Variants in MAPKAP1 observed in about 807,000 individuals in gnomAD.
MAPKAP1 encodes MAPK associated protein 1, also known as target of rapamycin complex 2 subunit MAPKAP1.
Under a neutral mutation model 65.7 loss-of-function variants are expected in MAPKAP1, and 20 were observed. The ratio of observed to expected loss-of-function variants is 0.30; its 90% CI spans 0.21 to 0.44. The LOEUF is 0.44. Ranked by LOEUF, MAPKAP1 falls within the 20% of genes least tolerant of loss-of-function variation. The probability of loss-of-function intolerance (pLI) is 1.00; values close to 1 mark genes in which losing one functional copy is unlikely to be tolerated. For missense variants in MAPKAP1, 423 were observed against 648.0 expected, an observed-to-expected ratio of 0.65 and a Z score of 3.77; for synonymous variants, 222 against 244.3, an observed-to-expected ratio of 0.91 and a Z score of 0.85.
At chr9:125,598,261 T>G (rs1238640567) in intron 4 of MAPKAP1, among the ~76,000 whole-genome samples, 1 of 152,180 alleles carries the variant, frequency 6.6e-6, no homozygotes, top group Non-Finnish European at 1.5e-5. Flanking sequence ...TGTAGTGCTA[T>G]CTTAATCTTC....
intron 7 of MAPKAP1, among the ~76,000 whole-genome samples, chr9:125,528,205 C>G (rs1829828341): frequency 6.6e-6 from 1 of 152,214 alleles, no homozygotes; most frequent in East Asian, 1.9e-4. Context: ...GTATTTGGAA[C>G]TTACTGGGGA....
intron 1 of MAPKAP1, among the ~76,000 whole-genome samples, chr9:125,690,288 G>A (rs532999812): frequency 4.3e-4 from 66 of 152,300 alleles, no homozygotes; most frequent in African/African-American, 1.6e-3. Context: ...AGAAACTTCA[G>A]AAGTTTCAGA....
rs1349521319 is a variant in MAPKAP1, at chr9:125,672,404, G to T, written c.171C>A (p.Ser57Arg). Residue 57 changes from serine to arginine, a missense_variant, in exon 2 of 12, where the codon AGC becomes AGA. Physicochemically the swap from Ser to Arg is moderately radical, Grantham distance 110 (BLOSUM62 -1). Transcript: ENST00000265960. ...PGDSGSEIQGSNGETQGYVYA... is the reference protein window; with the variant it reads ...PGDSGSEIQGRNGETQGYVYA... ...ATACATAGCCCTGAGTCTCACCATTGCTTCCCTGAATTTCTGACCCACTGT... is the reference window on the plus strand; with the variant it reads ...ATACATAGCCCTGAGTCTCACCATTTCTTCCCTGAATTTCTGACCCACTGT... The T allele has an allele frequency of 1.9e-6, 3 of 1,614,008 alleles. No homozygotes were observed. In the African/African-American group the frequency reaches 4.0e-5, roughly 22 times the overall value.
intron 7 of MAPKAP1, among the ~76,000 whole-genome samples, chr9:125,528,982 T>A (rs1442667696): frequency 6.6e-6 from 1 of 150,544 alleles, no homozygotes; most frequent in African/African-American, 2.4e-5. Flanking sequence ...CTGGCCAACA[T>A]GGCGAAAACC....
At chr9:125,440,813 G>A (rs1852453499) in intron 11 of MAPKAP1, among the ~76,000 whole-genome samples, 1 of 152,236 alleles carries the variant, frequency 6.6e-6, no homozygotes, top group Non-Finnish European at 1.5e-5. Context: ...ACAGTGTATG[G>A]AAATAAGAGG....
chr9:125,489,664 G>A (rs966565448), intron 8 of MAPKAP1, among the ~76,000 whole-genome samples: 2 of 152,114 alleles, frequency 1.3e-5, no homozygotes, highest in Non-Finnish European at 2.9e-5. Context: ...ACTGAGGAAT[G>A]AGGCCTCACA....
At chr9:125,524,119 T>C (rs959045249) in intron 7 of MAPKAP1, among the ~76,000 whole-genome samples, 15 of 152,232 alleles carry the variant, frequency 9.9e-5, no homozygotes, top group Non-Finnish European at 5.9e-5. Context: ...AGATTTAGGT[T>C]GCCCTAAATA....
intron 4 of MAPKAP1, among the ~76,000 whole-genome samples, chr9:125,634,026 G>A (rs1022253035): frequency 2.6e-5 from 4 of 152,166 alleles, no homozygotes; most frequent in African/African-American, 9.7e-5. Flanking sequence ...TTGTTCTCAG[G>A]CTAGCCTTGC....
At chr9:125,528,971 C>T (rs1030078547) in intron 7 of MAPKAP1, among the ~76,000 whole-genome samples, 1 of 151,654 alleles carries the variant, frequency 6.6e-6, no homozygotes, top group Non-Finnish European at 1.5e-5. Flanking sequence ...TCGAGACCGG[C>T]CTGGCCAACA....
At chr9:125,470,719 G>A (rs1853881074) in intron 9 of MAPKAP1, among the ~76,000 whole-genome samples, 1 of 152,192 alleles carries the variant, frequency 6.6e-6, no homozygotes, top group African/African-American at 2.4e-5. Flanking sequence ...CCAAGACCGG[G>A]GCTTGGGGAT....
chr9:125,472,588 T>C (rs1268601360), intron 9 of MAPKAP1, among the ~76,000 whole-genome samples: 3 of 152,214 alleles, frequency 2.0e-5, no homozygotes, highest in Admixed American at 6.5e-5. Context: ...ATGCACTGTT[T>C]TAAGTAATTC....
In MAPKAP1 at chr9:125,542,880, C is replaced by A. The variant is rs1237575180; in HGVS notation, c.958+179G>T. On this transcript the variant is annotated intron_variant, in intron 7 of 11. Coordinates refer to ENST00000265960, the MANE Select transcript of MAPKAP1 (RefSeq NM_001006617.3). ...TTCTCACATATGCCGCTGACCCAGT[C>A]CCTTTCTGAGGCCGAGGGGCAGTGT... 5.3e-6 allele frequency: 4 copies of A among 751,422 alleles called. No individual in the cohort carries two copies. The East Asian group carries it at 1.0e-4, about 19-fold the overall frequency. 46.5% of individuals were successfully genotyped at this position (751,422 alleles called of 1,614,324 possible). A position where few individuals can be genotyped will look rare whatever the true frequency, so the allele number is the denominator to read the frequency against.
chr9:125,487,546 G>A (rs1165662597), intron 8 of MAPKAP1, among the ~76,000 whole-genome samples: 1 of 145,730 alleles, frequency 6.9e-6, no homozygotes, highest in African/African-American at 2.6e-5. Context: ...ACTAATTAGT[G>A]TTTTCTAAAT....
chr9:125,658,161 C>T (rs1834086504), intron 3 of MAPKAP1, among the ~76,000 whole-genome samples: 1 of 152,142 alleles, frequency 6.6e-6, no homozygotes, highest in African/African-American at 2.4e-5. Context: ...CCTTTCTGGG[C>T]TTGTCAAACT....
chr9:125,600,003 C>G (rs1266958341), intron 4 of MAPKAP1: 1 of 152,202 alleles, frequency 6.6e-6, no homozygotes, highest in Non-Finnish European at 1.5e-5. Flanking sequence ...ATGGTTTTCT[C>G]TACTTAAAAC....
chr9:125,668,666 C>T (rs1834409125), intron 3 of MAPKAP1, among the ~76,000 whole-genome samples: 1 of 152,162 alleles, frequency 6.6e-6, no homozygotes, highest in Admixed American at 6.5e-5. Flanking sequence ...TTTCTTCTTG[C>T]TGAGACTGAA....
At chr9:125,607,798 G>A (rs1832483149) in intron 4 of MAPKAP1, among the ~76,000 whole-genome samples, 1 of 152,218 alleles carries the variant, frequency 6.6e-6, no homozygotes, top group African/African-American at 2.4e-5. Context: ...TGGGACTACA[G>A]GCATGTGCCA....
intron 3 of MAPKAP1, among the ~76,000 whole-genome samples, chr9:125,668,050 A>G (rs947454799): frequency 9.2e-5 from 14 of 152,206 alleles, no homozygotes; most frequent in Non-Finnish European, 1.8e-4. Context: ...GATATAAGTA[A>G]GAAAAACAAG....
At chr9:125,445,878 C>T (rs893672993) in intron 10 of MAPKAP1, among the ~76,000 whole-genome samples, 22 of 152,004 alleles carry the variant, frequency 1.4e-4, no homozygotes, top group African/African-American at 3.6e-4. Context: ...AAGAGAGACA[C>T]GTAGTCAGTA....
Sources: gnomAD v4.1 joint callset for allele counts (sites outside exome capture counted in the v4.1 genomes callset) on GRCh38, gnomAD v4.1.1 for gene constraint, MANE v1.5 for transcripts, NCBI Gene and HGNC (gene_info 2026-07-23, HGNC 2026-07-21) for gene names.